Variants in ANXA1 observed in about 807,000 individuals in gnomAD.
ANXA1 encodes annexin A1.
A neutral mutation model predicts 47.9 loss-of-function variants in ANXA1; 39 were observed. The observed-to-expected ratio is 0.81, with a 90% CI of 0.63 to 1.06. ANXA1 has a LOEUF of 1.06. Among genes scored for constraint, ANXA1 ranks in the 50% least tolerant of loss-of-function variants. ANXA1 has a pLI of 0.00. For synonymous variants in ANXA1, 146 were observed against 142.5 expected (o/e 1.02, Z -0.17); for missense variants, 446 against 422.7 (o/e 1.06, Z -0.48).
Position 73,162,934 on chromosome 9 carries a change from A to G in ANXA1, c.555+73A>G, listed in dbSNP as rs919026858. On this transcript the variant is annotated intron_variant, in intron 7 of 12. Coordinates refer to ENST00000257497, the MANE Select transcript of ANXA1 (RefSeq NM_000700.3). ...ATTTCTTAGTCCATTTTGTGTTGCT[A>G]TAAGGGAATATCTGAGGCTAGGTAA... 12 of 1,213,776 alleles carry G rather than the reference A, an allele frequency of 9.9e-6. 1 individual carries two copies. The highest frequency in any genetic ancestry group is 1.9e-4 in the Middle Eastern group (1 of 5,158). 75.2% of individuals were successfully genotyped at this position (1,213,776 alleles called of 1,614,324 possible).
chr9:73,161,652 A>AT (rs1302526586), intron 6 of ANXA1, among the ~76,000 whole-genome samples: 1 of 152,134 alleles, frequency 6.6e-6, no homozygotes, highest in African/African-American at 2.4e-5. Context: ...TAGCTTTTGC[A>AT]TATCATTTTC....
chr9:73,154,334 T>G, intron 1 of ANXA1: 1 of 1,366,274 alleles, frequency 7.3e-7, no homozygotes, highest in Non-Finnish European at 9.8e-7. Flanking sequence ...ATGAATTTGA[T>G]TCTCAGGTGT....
chr9:73,158,406 A>C, intron 1 of ANXA1, 116 bp from the exon 2 acceptor site: 1 of 760,398 alleles, frequency 1.3e-6, no homozygotes, highest in Non-Finnish European at 2.1e-6. Flanking sequence ...TTGATCCTGG[A>C]AAGTAAGCGC....
intron 11 of ANXA1, chr9:73,168,282 T>C (rs923087805): frequency 1.3e-5 from 2 of 152,212 alleles, no homozygotes; most frequent in Non-Finnish European, 2.9e-5. Context: ...CTGTAGTGGT[T>C]AGCATAGTTG....
At position 73,162,798 on chromosome 9, in the gene ANXA1, G is replaced by A; in HGVS notation, c.492G>A (p.Leu164=). The part of the protein sequence containing the change: ...RVYREELKRD[L]AKDITSDTSG... ...TTTTCTCAGAACTGAAGAGAGATCT[G>A]GCCAAAGACATAACCTCAGACACAT... Residue 164 remains leucine (L), a synonymous_variant, in exon 7 of 13, where the codon CTG becomes CTA. Transcript: ENST00000257497. 6.2e-7 allele frequency: 1 copy of A among 1,612,770 alleles called. No individual in the cohort carries two copies. The highest frequency in any genetic ancestry group is 1.3e-5 in the African/African-American group (1 of 74,952).
rs190779702 is a variant in ANXA1, at chr9:73,163,708, T to G, written c.612+176T>G. Among the ~76,000 whole-genome samples the G allele has an allele frequency of 2.1e-4, 32 of 152,274 alleles. No homozygotes were observed. The East Asian group carries it at 6.2e-3, about 29-fold the overall frequency. ...AGCCCCCACACACAAAAAAGTAGTC[T>G]TTGTAAGTTTTCAATATCTCTCATT... On this transcript the variant is annotated intron_variant, in intron 8 of 12. Transcript: ENST00000257497.
At chr9:73,154,746 A>T (rs1824022901) in intron 1 of ANXA1, among the ~76,000 whole-genome samples, 1 of 152,208 alleles carries the variant, frequency 6.6e-6, no homozygotes, top group Admixed American at 6.5e-5. Flanking sequence ...GCCAAAATAT[A>T]TAACACTTTG....
chr9:73,168,911 G>GTGTGTGTGTGTGTGTGTGTA, intron 11 of ANXA1, 121 bp from the exon 12 acceptor site: 1 of 754,074 alleles, frequency 1.3e-6, no homozygotes, highest in Non-Finnish European at 2.1e-6. Context: ...GTGTGTGTGT[G>GTGTGTGTGTGTGTGTGTGTA]TATAGCTAGT....
chr9:73,158,501 A>G, intron 1 of ANXA1, 21 bp from the exon 2 acceptor site: 1 of 1,597,912 alleles, frequency 6.3e-7, no homozygotes, highest in Non-Finnish European at 8.6e-7. Flanking sequence ...TTGTAAAAGC[A>G]TCTAACTGTT....
intron 1 of ANXA1, among the ~76,000 whole-genome samples, chr9:73,155,492 AT>A (rs1176990259): frequency 6.6e-5 from 10 of 152,210 alleles, no homozygotes; most frequent in Non-Finnish European, 1.2e-4. Context: ...ATATAAAAAA[AT>A]ATATATTTGG....
At chr9:73,164,989 T>C in intron 8 of ANXA1, 127 bp from the exon 9 acceptor site, 2 of 634,780 alleles carry the variant, frequency 3.2e-6, no homozygotes, top group South Asian at 2.4e-5. Flanking sequence ...TGCAATCTTA[T>C]TGTTGACTAC....
chr9:73,152,940 T>C (rs1482955433), intron 1 of ANXA1, among the ~76,000 whole-genome samples: 1 of 152,238 alleles, frequency 6.6e-6, no homozygotes, highest in East Asian at 1.9e-4. Flanking sequence ...GATGGAATTT[T>C]TCTTGCCTTG....
At chr9:73,162,656 G>T in intron 6 of ANXA1, 126 bp from the exon 7 acceptor site, 1 of 523,188 alleles carries the variant, frequency 1.9e-6, no homozygotes, top group East Asian at 3.1e-5. Context: ...ATAATATTTT[G>T]CAACATGTTC....
Position 73,170,273 on chromosome 9 carries a change from A to G in ANXA1, c.*166A>G. 4.5e-6 allele frequency: 2 copies of G among 446,448 alleles called. No individual in the cohort carries two copies. Among genetic ancestry groups the G allele is most frequent in the Non-Finnish European group, 7.7e-6 (2 of 260,492 alleles). The allele number at this position is 446,448 out of a possible 1,614,324, so 27.7% of individuals were successfully genotyped here. A position where few individuals can be genotyped will look rare whatever the true frequency, so the allele number is the denominator to read the frequency against. ...TTTATATTATAACTCTGTATAATAGAGATAAGTCCATTTTTTAAAAATGTT... is the reference window on the plus strand; with the variant it reads ...TTTATATTATAACTCTGTATAATAGGGATAAGTCCATTTTTTAAAAATGTT... On this transcript the variant is annotated 3_prime_UTR_variant, in exon 13 of 13. Transcript: ENST00000257497.
chr9:73,165,038 C>A lies in ANXA1; in HGVS notation c.613-78C>A, dbSNP rs921115003. On this transcript the variant is annotated intron_variant, in intron 8 of 12. Coordinates refer to ENST00000257497, the MANE Select transcript of ANXA1 (RefSeq NM_000700.3). Reference sequence around the variant, plus strand: ...GGCACAAAGCGATTGCCTATATAATCTTTGACAAGGTCTAACATTATTGTG... The same window carrying A: ...GGCACAAAGCGATTGCCTATATAATATTTGACAAGGTCTAACATTATTGTG... The A allele has an allele frequency of 5.1e-6, 6 of 1,187,516 alleles. No individual in the cohort carries two copies. The Admixed American group carries it at 7.7e-5, about 15-fold the overall frequency. 73.6% of individuals were successfully genotyped at this position (1,187,516 alleles called of 1,614,324 possible).
intron 1 of ANXA1, among the ~76,000 whole-genome samples, chr9:73,153,128 G>A (rs908580992): frequency 6.6e-6 from 1 of 152,116 alleles, no homozygotes. Context: ...CTAGCTCCAG[G>A]CTCAACCACA....
intron 9 of ANXA1, chr9:73,165,461 C>T (rs942557256): frequency 3.7e-5 from 11 of 300,798 alleles, no homozygotes. Context: ...CTTTTACTCC[C>T]CTAAAAGATT....
Position 73,166,151 on chromosome 9 carries a change from T to A in ANXA1, c.761T>A (p.Leu254Gln). 1.2e-6 allele frequency: 2 copies of A among 1,612,608 alleles called. No individual in the cohort carries two copies. The highest frequency in any genetic ancestry group is 1.7e-6 in the Non-Finnish European group (2 of 1,179,166). The change falls in exon 10 of 13, where the codon CTG becomes CAG. Residue 254 changes from leucine (L) to glutamine (Q), a missense_variant. Coordinates refer to ENST00000257497, the MANE Select transcript of ANXA1 (RefSeq NM_000700.3). ...CATGACATGAACAAAGTTCTGGACC[T>A]GGAGTTGAAAGGTGACATTGAGAAA... ...SKHDMNKVLD[L>Q]ELKGDIEKCL...
At chr9:73,169,284 T>C in intron 12 of ANXA1, 130 bp downstream of exon 12, 1 of 987,816 alleles carries the variant, frequency 1.0e-6, no homozygotes, top group Middle Eastern at 2.8e-4. Context: ...TTATGGTGTA[T>C]ACTTCATGAG....
Sources: allele counts gnomAD v4.1 joint callset (sites outside exome capture counted in the v4.1 genomes callset), GRCh38; gene constraint gnomAD v4.1.1; transcripts MANE v1.5; gene names NCBI Gene and HGNC (gene_info 2026-07-23, HGNC 2026-07-21).